The following RAD51B variants were observed in gnomAD, a reference collection of about 807,000 sequenced individuals.
RAD51B encodes RAD51 paralog B, also known as DNA repair protein RAD51 homolog 2.
Under a neutral mutation model 42.2 loss-of-function variants are expected in RAD51B, and 38 were observed. The observed-to-expected ratio is 0.90, with a 90% CI of 0.70 to 1.18. The LOEUF (loss-of-function observed/expected upper bound fraction) is 1.18. RAD51B is among the 50% of genes most tolerant of loss of function. RAD51B has a pLI of 0.00. For missense variants in RAD51B, 373 were observed against 400.7 expected (o/e 0.93, Z 0.59); for synonymous variants, 154 against 145.2 (o/e 1.06, Z -0.43).
At chr14:68,109,648 T>G (rs577358224) in intron 7 of RAD51B, among the ~76,000 whole-genome samples, 1 of 151,924 alleles carries the variant, frequency 6.6e-6, no homozygotes, top group Admixed American at 6.6e-5. Context: ...AAGCAGTTAT[T>G]TGGGGCCTGG....
chr14:68,181,637 C>T (rs1046774598), intron 7 of RAD51B, among the ~76,000 whole-genome samples: 3 of 152,138 alleles, frequency 2.0e-5, no homozygotes, highest in East Asian at 1.9e-4. Context: ...CTGCAGTGTC[C>T]CTCAGATGTA....
At chr14:67,933,181 C>T (rs1254257048) in intron 7 of RAD51B, among the ~76,000 whole-genome samples, 1 of 152,196 alleles carries the variant, frequency 6.6e-6, no homozygotes, top group Admixed American at 6.5e-5. Context: ...ACCTTTGGTA[C>T]ACTGTAACTT....
chr14:68,178,188 T>TA (rs891385441), intron 7 of RAD51B, among the ~76,000 whole-genome samples: 7 of 151,794 alleles, frequency 4.6e-5, no homozygotes, highest in Admixed American at 1.3e-4. Context: ...TAAGTAACTT[T>TA]AAAAAAAAAT....
At chr14:68,419,346 C>A (rs1468397366) in intron 9 of RAD51B, among the ~76,000 whole-genome samples, 1 of 151,742 alleles carries the variant, frequency 6.6e-6, no homozygotes, top group Non-Finnish European at 1.5e-5. Flanking sequence ...CAAACCCAAT[C>A]AAATTATTGG....
intron 7 of RAD51B, among the ~76,000 whole-genome samples, chr14:68,012,917 A>G (rs1203482168): frequency 1.3e-5 from 2 of 152,182 alleles, no homozygotes; most frequent in East Asian, 1.9e-4. Context: ...TTTAGTTGCA[A>G]TGCAAATTTT....
chr14:67,819,839 G>A lies in RAD51B; in HGVS notation c.-17G>A, dbSNP rs927800657. The A allele has an allele frequency of 7.2e-5, 11 of 152,214 alleles. No individual in the cohort carries two copies. Among genetic ancestry groups the A allele is most frequent in the Non-Finnish European group, 1.3e-4 (9 of 68,080 alleles). The allele number at this position is 152,214 out of a possible 1,614,324, so 9.4% of individuals were successfully genotyped here. On this transcript the variant is annotated 5_prime_UTR_variant, in exon 1 of 11. Coordinates refer to ENST00000471583, the MANE Select transcript of RAD51B (RefSeq NM_133510.4). ...AAAGGGTGGGGAAACTTGAAAGTTG[G>A]ATGCTGCAGACCCGGTACTGGAAAG...
chr14:68,402,341 C>T (rs892065140), intron 8 of RAD51B, among the ~76,000 whole-genome samples: 1 of 152,202 alleles, frequency 6.6e-6, no homozygotes, highest in Non-Finnish European at 1.5e-5. Context: ...AACCAAGATT[C>T]TCAGTCCCTT....
intron 7 of RAD51B, among the ~76,000 whole-genome samples, chr14:68,160,208 G>C (rs1257245966): frequency 6.6e-6 from 1 of 152,136 alleles, no homozygotes; most frequent in Non-Finnish European, 1.5e-5. Context: ...ATTTTACAAA[G>C]GAATCATATA....
rs201340750 is a variant in RAD51B at position 68,084,299 on chromosome 14, CTG to C, written c.756+197098_756+197099del. On this transcript the variant is annotated intron_variant, in intron 7 of 10. Coordinates refer to ENST00000471583, the MANE Select transcript of RAD51B (RefSeq NM_133510.4). ...ATTGTCTTGTTGTAACATCCTAATC[CTG>C]TGACATTTTGAAATAGTGCTTTTGG... 8.7e-3 allele frequency among the ~76,000 whole-genome samples: 1,321 copies of C among 152,256 alleles called. 17 individuals carry two copies. The highest frequency in any genetic ancestry group is 0.03 in the African/African-American group (1,233 of 41,538).
chr14:67,871,218 GA>G (rs1237367327), intron 5 of RAD51B, among the ~76,000 whole-genome samples: 1 of 151,848 alleles, frequency 6.6e-6, no homozygotes, highest in African/African-American at 2.4e-5. Context: ...AAAGAGAGAA[GA>G]ATCAAATAGA....
intron 7 of RAD51B, among the ~76,000 whole-genome samples, chr14:68,140,347 G>T (rs573136106): frequency 1.3e-4 from 20 of 152,288 alleles, no homozygotes; most frequent in African/African-American, 4.8e-4. Context: ...CTTGGCAGAA[G>T]ATTTGAACGT....
intron 4 of RAD51B, among the ~76,000 whole-genome samples, chr14:67,839,740 T>C (rs2041363046): frequency 6.6e-6 from 1 of 152,010 alleles, no homozygotes; most frequent in Non-Finnish European, 1.5e-5. Context: ...GGTTATTCTT[T>C]GCTTCTAACT....
chr14:68,529,556 A>C (rs1029093801), intron 10 of RAD51B, among the ~76,000 whole-genome samples: 1 of 152,230 alleles, frequency 6.6e-6, no homozygotes, highest in African/African-American at 2.4e-5. Context: ...ATCACAGCCC[A>C]GCAACCAGAA....
chr14:68,484,411 A>G lies in RAD51B; in HGVS notation c.1036+16161A>G, dbSNP rs1173341008. 2.2e-5 allele frequency among the ~76,000 whole-genome samples: 3 copies of G among 138,360 alleles called. No homozygotes were observed. In the South Asian group the frequency reaches 6.6e-4, roughly 30 times the overall value. 90.8% of individuals were successfully genotyped at this position (138,360 alleles called of 152,430 possible). ...TTTGCTCTGTCGCCCAGGCTGGAGT[A>G]CAGTGGCGCGATCTCAGCTCACTGC... On this transcript the variant is annotated intron_variant, in intron 10 of 10. Coordinates refer to the RAD51B transcript ENST00000487270.
intron 7 of RAD51B, among the ~76,000 whole-genome samples, chr14:68,201,812 G>GT (rs1566725245): frequency 6.6e-6 from 1 of 152,158 alleles, no homozygotes; most frequent in African/African-American, 2.4e-5. Context: ...GTCAATGACC[G>GT]TTTTTTGAGA....
chr14:68,315,310 G>A (rs929883351), intron 8 of RAD51B, among the ~76,000 whole-genome samples: 6 of 152,186 alleles, frequency 3.9e-5, no homozygotes, highest in Non-Finnish European at 5.9e-5. Context: ...CCACATAGGA[G>A]ATTAAATACC....
chr14:68,633,695 C>G (rs1892284118), intron 10 of RAD51B, among the ~76,000 whole-genome samples: 1 of 152,272 alleles, frequency 6.6e-6, no homozygotes, highest in African/African-American at 2.4e-5. Context: ...CCAGCCAGGG[C>G]GATCCTGAAG....
intron 7 of RAD51B, among the ~76,000 whole-genome samples, chr14:68,155,153 G>T (rs550621182): frequency 6.6e-6 from 1 of 151,824 alleles, no homozygotes; most frequent in Non-Finnish European, 1.5e-5. Flanking sequence ...AGGAAATTAC[G>T]CAAGGGGAGC....
chr14:68,582,482 G>A (rs1014833404), intron 10 of RAD51B, among the ~76,000 whole-genome samples: 3 of 152,258 alleles, frequency 2.0e-5, no homozygotes, highest in East Asian at 3.9e-4. Context: ...TAAGAATGGC[G>A]ATCATTAAAA....
Sources: gnomAD v4.1 joint callset for allele counts (sites outside exome capture counted in the v4.1 genomes callset) on GRCh38, gnomAD v4.1.1 for gene constraint, MANE v1.5 for transcripts, NCBI Gene and HGNC (gene_info 2026-07-23, HGNC 2026-07-21) for gene names.